The following PTPRD variants were observed in gnomAD, a reference collection of about 807,000 sequenced individuals.
PTPRD encodes the protein receptor-type tyrosine-protein phosphatase delta.
Under a neutral mutation model 214.5 loss-of-function variants are expected in PTPRD, and 34 were observed. That is an observed-to-expected ratio of 0.16 (90% CI 0.12 to 0.21). The LOEUF (loss-of-function observed/expected upper bound fraction) is 0.21, where lower values mean the gene tolerates loss of function less well. Ranked by LOEUF, PTPRD falls within the 10% of genes least tolerant of loss-of-function variation. The pLI is 1.00. For synonymous variants in PTPRD, 1,128 were observed against 845.7 expected, an observed-to-expected ratio of 1.33 and a Z score of -5.79; for missense variants, 2,545 against 2,398.7, an observed-to-expected ratio of 1.06 and a Z score of -1.27.
rs1555505761 is a variant in PTPRD, at chr9:8,907,533, A to AATAT, written c.-104+111160_-104+111163dup. On this transcript the variant is annotated intron_variant, in intron 11 of 45. Coordinates refer to ENST00000381196, the MANE Select transcript of PTPRD (RefSeq NM_002839.4). ...ACTCCGTCTCAAAAAAAAAAAAAAA[A>AATAT]ATATATATATATATATATATAAAGA... is the stretch of plus-strand genomic sequence containing the variant. Among the ~76,000 whole-genome samples the AATAT allele has an allele frequency of 2.1e-3, 245 of 118,132 alleles. 3 individuals carry two copies. The highest frequency in any genetic ancestry group is 2.9e-3 in the African/African-American group (86 of 30,098). 77.5% of individuals were successfully genotyped at this position (118,132 alleles called of 152,430 possible).
chr9:9,516,705 T>G (rs1403180223), intron 8 of PTPRD, among the ~76,000 whole-genome samples: 1 of 151,888 alleles, frequency 6.6e-6, no homozygotes, highest in Non-Finnish European at 1.5e-5. Context: ...ACCCAGTTAA[T>G]TTTTGTATTT....
chr9:9,416,556 T>G (rs1436861483), intron 8 of PTPRD, among the ~76,000 whole-genome samples: 1 of 151,998 alleles, frequency 6.6e-6, no homozygotes, highest in Admixed American at 6.6e-5. Flanking sequence ...AGGCTCTAAC[T>G]TAGTTGGTTT....
At chr9:9,896,387 A>C (rs1486794568) in intron 5 of PTPRD, among the ~76,000 whole-genome samples, 2 of 152,026 alleles carry the variant, frequency 1.3e-5, no homozygotes, top group Non-Finnish European at 2.9e-5. Flanking sequence ...TTTTCACATG[A>C]ATACATCTTC....
intron 4 of PTPRD, among the ~76,000 whole-genome samples, chr9:9,964,915 A>G (rs1440757849): frequency 6.6e-6 from 1 of 152,200 alleles, no homozygotes; most frequent in East Asian, 1.9e-4. Flanking sequence ...ATAGGGAAAT[A>G]AACTTATTTT....
In PTPRD at chr9:8,557,455, T is replaced by TATATATACATACACATAC; in HGVS notation, c.353-28677_353-28676insGTATGTGTATGTATATAT. On this transcript the variant is annotated intron_variant, in intron 14 of 45. Coordinates refer to ENST00000381196, the MANE Select transcript of PTPRD (RefSeq NM_002839.4). Reference sequence around the variant, plus strand: ...AAATACATATATATATATATATATATATTTGGGCCGGGCGCGGTGGCTCAT... The same window carrying TATATATACATACACATAC: ...AAATACATATATATATATATATATATATATATACATACACATACATTTGGGCCGGGCGCGGTGGCTCAT... Among the ~76,000 whole-genome samples the TATATATACATACACATAC allele has an allele frequency of 4.4e-3, 598 of 135,614 alleles. 18 individuals are homozygous for TATATATACATACACATAC. The highest frequency in any genetic ancestry group is 9.0e-3 in the African/African-American group (259 of 28,784). The allele number at this position is 135,614 out of a possible 152,430, so 89.0% of individuals were successfully genotyped here.
At chr9:9,211,775 C>T (rs1218609727) in intron 9 of PTPRD, among the ~76,000 whole-genome samples, 1 of 151,552 alleles carries the variant, frequency 6.6e-6, no homozygotes, top group Non-Finnish European at 1.5e-5. Context: ...GTCATTTAAT[C>T]CTCATAAATA....
In PTPRD at chr9:8,912,339, T is replaced by G. The variant is rs138934943; in HGVS notation, c.-104+106358A>C. Among the ~76,000 whole-genome samples, 7 of 152,174 alleles carry G rather than the reference T, an allele frequency of 4.6e-5. No homozygotes were observed. The East Asian group carries it at 1.2e-3, about 25-fold the overall frequency. ...ACGAGCAATGAAAAGAAACAAACCATTGATAAACCCTAAAACATGGATGAA... is the reference window on the plus strand; with the variant it reads ...ACGAGCAATGAAAAGAAACAAACCAGTGATAAACCCTAAAACATGGATGAA... On this transcript the variant is annotated intron_variant, in intron 11 of 45. Transcript: ENST00000381196.
intron 7 of PTPRD, among the ~76,000 whole-genome samples, chr9:9,600,801 T>G (rs1432974053): frequency 6.6e-6 from 1 of 152,136 alleles, no homozygotes; most frequent in Non-Finnish European, 1.5e-5. Context: ...AAAATCCTTT[T>G]GTACTAAAAT....
At chr9:9,993,055 T>A (rs1035138222) in intron 4 of PTPRD, among the ~76,000 whole-genome samples, 1 of 152,202 alleles carries the variant, frequency 6.6e-6, no homozygotes, top group Non-Finnish European at 1.5e-5. Flanking sequence ...ATACATACTT[T>A]AGAAAATTTA....
Position 10,212,189 on chromosome 9 carries a change from G to A in PTPRD, c.-545+128774C>T, listed in dbSNP as rs116156946. Among the ~76,000 whole-genome samples the A allele has an allele frequency of 1.3e-3, 195 of 152,048 alleles. 1 individual carries two copies. Among genetic ancestry groups the A allele is most frequent in the African/African-American group, 4.0e-3 (166 of 41,490 alleles). Reference sequence around the variant, plus strand: ...CACTCACTTAATATGACCATAAGCCGTAAATCAAGTAGCCTTCTTAGATGA... The same window carrying A: ...CACTCACTTAATATGACCATAAGCCATAAATCAAGTAGCCTTCTTAGATGA... On this transcript the variant is annotated intron_variant, in intron 3 of 45. Transcript: ENST00000381196.
chr9:8,844,707 A>T (rs1215013441), intron 11 of PTPRD, among the ~76,000 whole-genome samples: 7 of 152,332 alleles, frequency 4.6e-5, no homozygotes, highest in African/African-American at 1.7e-4. Context: ...TGGTCCAATA[A>T]TAGCCAAATC....
chr9:10,542,133 T>A (rs1427840642), intron 2 of PTPRD, among the ~76,000 whole-genome samples: 1 of 152,156 alleles, frequency 6.6e-6, no homozygotes, highest in Non-Finnish European at 1.5e-5. Context: ...TCAGATATAA[T>A]AAATTTAATC....
intron 8 of PTPRD, among the ~76,000 whole-genome samples, chr9:9,478,235 A>C (rs1330554152): frequency 6.6e-6 from 1 of 152,208 alleles, no homozygotes; most frequent in Non-Finnish European, 1.5e-5. Flanking sequence ...TTTATGCTAC[A>C]GATTAACTGC....
At chr9:9,159,021 A>C (rs577775669) in intron 10 of PTPRD, among the ~76,000 whole-genome samples, 1 of 152,230 alleles carries the variant, frequency 6.6e-6, no homozygotes, top group Non-Finnish European at 1.5e-5. Context: ...CTTTCATAAT[A>C]AAATCTAATA....
intron 8 of PTPRD, among the ~76,000 whole-genome samples, chr9:9,453,874 C>T (rs1363665562): frequency 6.6e-6 from 1 of 151,634 alleles, no homozygotes; most frequent in African/African-American, 2.4e-5. Context: ...ATGAGTGCCA[C>T]ATTACTCTTC....
At chr9:9,380,365 A>C (rs550482840) in intron 9 of PTPRD, among the ~76,000 whole-genome samples, 1 of 152,088 alleles carries the variant, frequency 6.6e-6, no homozygotes, top group East Asian at 1.9e-4. Flanking sequence ...TTATTTATAT[A>C]TTTGTTTTTA....
intron 39 of PTPRD, among the ~76,000 whole-genome samples, chr9:8,350,677 AG>A (rs2075203956): frequency 6.6e-6 from 1 of 152,190 alleles, no homozygotes; most frequent in Admixed American, 6.5e-5. Context: ...ACCCACAGAT[AG>A]GTTAGTTTCT....
At chr9:9,704,845 T>C (rs1371857579) in intron 7 of PTPRD, among the ~76,000 whole-genome samples, 1 of 152,180 alleles carries the variant, frequency 6.6e-6, no homozygotes, top group Admixed American at 6.5e-5. Flanking sequence ...CGAGTCATTT[T>C]CCAGTTGAAA....
At chr9:10,266,142 T>TAC (rs950484688) in intron 3 of PTPRD, among the ~76,000 whole-genome samples, 4 of 151,854 alleles carry the variant, frequency 2.6e-5, no homozygotes, top group East Asian at 1.9e-4. Context: ...GACACACACA[T>TAC]ACACACACAC....
Sources: allele counts gnomAD v4.1 joint callset (sites outside exome capture counted in the v4.1 genomes callset), GRCh38; gene constraint gnomAD v4.1.1; transcripts MANE v1.5; gene names NCBI Gene and HGNC (gene_info 2026-07-23, HGNC 2026-07-21).